Variants in TMC2 observed in about 807,000 individuals in gnomAD.
TMC2 encodes the protein transmembrane channel-like protein 2.
Under a neutral mutation model 105.9 loss-of-function variants are expected in TMC2, and 102 were observed. The observed-to-expected ratio is 0.96, with a 90% CI of 0.82 to 1.14. The LOEUF is 1.14. Among genes scored for constraint, TMC2 ranks in the 50% most tolerant of loss-of-function variants. The pLI is 0.00. For synonymous variants in TMC2, 402 were observed against 422.8 expected, an observed-to-expected ratio of 0.95 and a Z score of 0.60; for missense variants, 1,093 against 1,134.3, an observed-to-expected ratio of 0.96 and a Z score of 0.52.
intron 17 of TMC2, among the ~76,000 whole-genome samples, chr20:2,626,827 G>A (rs1436866956): frequency 2.6e-5 from 4 of 152,148 alleles, no homozygotes; most frequent in African/African-American, 4.8e-5. Flanking sequence ...GAAGTAGGAC[G>A]AACACAGAAA....
intron 4 of TMC2, among the ~76,000 whole-genome samples, chr20:2,562,415 G>A (rs1160077476): frequency 6.6e-6 from 1 of 152,224 alleles, no homozygotes; most frequent in Non-Finnish European, 1.5e-5. Context: ...CTCTCCATGT[G>A]TACACACTCT....
At chr20:2,597,843 G>C (rs1262292184) in intron 10 of TMC2, among the ~76,000 whole-genome samples, 2 of 152,022 alleles carry the variant, frequency 1.3e-5, no homozygotes, top group Non-Finnish European at 2.9e-5. Flanking sequence ...CTGAGACCTG[G>C]TGCTGCCTGT....
Position 2,558,551 on chromosome 20 carries a change from G to T in TMC2, c.178G>T (p.Ala60Ser), listed in dbSNP as rs1005274027. 6.4e-7 allele frequency: 1 copy of T among 1,552,934 alleles called. No individual in the cohort carries two copies. The change falls in exon 3 of 20, where the codon GCC becomes TCC. Residue 60 changes from alanine (A) to serine (S), a missense_variant. Physicochemically the swap from Ala to Ser is moderately conservative, Grantham distance 99. Transcript: ENST00000358864. This position sits in a 1 kb window ranked among gnomAD's most constrained non-coding sequence, Gnocchi z 4.6. ...AGCTCAGCGAAGCCAGAAGGAGCGC[G>T]CCGGGGGCAGCCCAAGCCCGGGGTC... ...RGAQRSQKER[A>S]GGSPSPGSPR...
chr20:2,623,417 T>C (rs1164212266), intron 16 of TMC2, among the ~76,000 whole-genome samples: 1 of 151,988 alleles, frequency 6.6e-6, no homozygotes, highest in African/African-American at 2.4e-5. Flanking sequence ...CGCTCACCTG[T>C]AATCCCAGTT....
In TMC2 at chr20:2,617,169, GTACCCCA is replaced by G. The variant is rs1568526574; in HGVS notation, c.2040_2046del (p.Pro681AsnfsTer78). On this transcript the variant is annotated frameshift_variant, in exon 16 of 20. Coordinates refer to ENST00000358864, the MANE Select transcript of TMC2 (RefSeq NM_080751.3). LOFTEE classifies it high-confidence loss of function. Reference sequence around the variant, plus strand: ...GTGCTGGGCGGTGATGAGCAGCAACGTACCCCATGAACGCGTGTTCAAAGCCTCCCGA... The same window carrying G: ...GTGCTGGGCGGTGATGAGCAGCAACGTGAACGCGTGTTCAAAGCCTCCCGA... 2 of 1,614,212 alleles carry G rather than the reference GTACCCCA, an allele frequency of 1.2e-6. No individual in the cohort carries two copies. The highest frequency in any genetic ancestry group is 2.2e-5 in the South Asian group (2 of 91,088).
intron 7 of TMC2, 67 bp downstream of exon 7, chr20:2,580,123 A>G: frequency 1.1e-6 from 1 of 900,908 alleles, no homozygotes; most frequent in South Asian, 1.6e-5. Flanking sequence ...TCAATTATCA[A>G]CCAAATACTT....
In TMC2 at chr20:2,592,367, G is replaced by C; in HGVS notation, c.892G>C (p.Glu298Gln). Residue 298 changes from glutamate (E) to glutamine (Q), a missense_variant, in exon 8 of 20, where the codon GAA becomes CAA. By Grantham distance (29) the Glu-to-Gln change is conservative. Coordinates refer to ENST00000358864, the MANE Select transcript of TMC2 (RefSeq NM_080751.3). The surrounding 1 kb of genome is among the most constrained non-coding windows in gnomAD (Gnocchi z 4.9). ...CAGAAAGACAGTGCCTCGGGCTGAG[G>C]AAGAAAAGGCCATGGATTTTTCTGT... is the stretch of plus-strand genomic sequence containing the variant. ...IPRKTVPRAEEEKAMDFSVLW... is the reference protein window; with the variant it reads ...IPRKTVPRAEQEKAMDFSVLW... 6.2e-7 allele frequency: 1 copy of C among 1,614,120 alleles called. No homozygotes were observed. Among genetic ancestry groups the C allele is most frequent in the Non-Finnish European group, 8.5e-7 (1 of 1,179,964 alleles).
intron 2 of TMC2, among the ~76,000 whole-genome samples, chr20:2,554,849 C>T (rs1194978264): frequency 6.6e-6 from 1 of 152,082 alleles, no homozygotes; most frequent in Non-Finnish European, 1.5e-5. Context: ...TTTTATGGTC[C>T]AGCATATGGT....
intron 17 of TMC2, among the ~76,000 whole-genome samples, chr20:2,626,602 G>C (rs1202029579): frequency 6.6e-6 from 1 of 152,260 alleles, no homozygotes. Context: ...TAAGACAGGA[G>C]TCATAGTATT....
In TMC2 at chr20:2,616,565, AAAG is replaced by A. The variant is rs1217564786; in HGVS notation, c.1940+365_1940+367del. ...GAGGAAAAGAGGAGGAAAGGAAAAT[AAAG>A]AAGGAGGGAGGGAGAAAAGAAGGAA... On this transcript the variant is annotated intron_variant, in intron 15 of 19. Transcript: ENST00000358864. This position sits in a 1 kb window ranked among gnomAD's most constrained non-coding sequence, Gnocchi z 4.8. 2.0e-5 allele frequency among the ~76,000 whole-genome samples: 2 copies of A among 99,528 alleles called. No homozygotes were observed. Among genetic ancestry groups the A allele is most frequent in the African/African-American group, 5.5e-5 (2 of 36,402 alleles). 65.3% of individuals were successfully genotyped at this position (99,528 alleles called of 152,430 possible). A position where few individuals can be genotyped will look rare whatever the true frequency, so the allele number is the denominator to read the frequency against.
Position 2,537,301 on chromosome 20 carries a change from G to T in TMC2, c.67G>T (p.Gly23Cys). The change falls in exon 2 of 20, where the codon GGC (glycine) becomes TGC (cysteine). Residue 23 changes from glycine to cysteine, a missense_variant. Coordinates refer to ENST00000358864, the MANE Select transcript of TMC2 (RefSeq NM_080751.3). ...CGGAGTGAAAGGGCGGGTGAAGAGC[G>T]GCTCTCCACACACAGGTGAGATGGG... Reference protein sequence around the residue: ...RGGVKGRVKSGSPHTGDRLGR... With the variant: ...RGGVKGRVKSCSPHTGDRLGR... The T allele has an allele frequency of 2.5e-6, 4 of 1,602,904 alleles. No individual in the cohort carries two copies. The highest frequency in any genetic ancestry group is 2.2e-5 in the East Asian group (1 of 44,494).
At chr20:2,637,206 T>C (rs1296645306) in intron 18 of TMC2, among the ~76,000 whole-genome samples, 2 of 65,206 alleles carry the variant, frequency 3.1e-5, no homozygotes, top group African/African-American at 9.6e-5. Context: ...TGGGCTAACA[T>C]GGTGAACCCG....
chr20:2,638,356 C>CA (rs58078004), intron 19 of TMC2, among the ~76,000 whole-genome samples: 13 of 142,630 alleles, frequency 9.1e-5, no homozygotes, highest in Non-Finnish European at 1.5e-4. Flanking sequence ...GACTCCATCT[C>CA]AAAAAAAAAA....
intron 12 of TMC2, among the ~76,000 whole-genome samples, chr20:2,610,892 C>T (rs1214570623): frequency 6.6e-6 from 1 of 152,114 alleles, no homozygotes; most frequent in African/African-American, 2.4e-5. Context: ...TTCAGAGCTG[C>T]CATAAATGAT....
At chr20:2,620,950 T>C (rs1343226828) in intron 16 of TMC2, among the ~76,000 whole-genome samples, 2 of 152,256 alleles carry the variant, frequency 1.3e-5, no homozygotes, top group Non-Finnish European at 2.9e-5. Context: ...TTTTATCCTA[T>C]GCCTGTCCCA....
intron 19 of TMC2, among the ~76,000 whole-genome samples, 182 bp downstream of exon 19, chr20:2,637,773 G>A (rs1046884778): frequency 6.6e-6 from 1 of 152,164 alleles, no homozygotes; most frequent in Non-Finnish European, 1.5e-5. Flanking sequence ...ATGGGATGGT[G>A]AAGATGAGAT....
In TMC2 at chr20:2,582,672, C is replaced by T. The variant is rs185815653; in HGVS notation, c.834+2616C>T. ...TGTATTTTTAGTAGAGATGGGGTTT[C>T]GCCATGTTGGCCAGGCTGGTCTCAA... On this transcript the variant is annotated intron_variant, in intron 7 of 19. Transcript: ENST00000358864. 2.0e-3 allele frequency among the ~76,000 whole-genome samples: 309 copies of T among 152,138 alleles called. 2 individuals carry two copies. The highest frequency in any genetic ancestry group is 5.4e-3 in the African/African-American group (225 of 41,520).
intron 16 of TMC2, among the ~76,000 whole-genome samples, chr20:2,620,019 C>A (rs969463784): frequency 6.6e-6 from 1 of 151,878 alleles, no homozygotes; most frequent in East Asian, 1.9e-4. Context: ...GTGGAAGTTG[C>A]AATAAGCCAT....
At chr20:2,579,635 G>A (rs1176951417) in intron 6 of TMC2, among the ~76,000 whole-genome samples, 1 of 151,890 alleles carries the variant, frequency 6.6e-6, no homozygotes, top group African/African-American at 2.4e-5. Context: ...TGTTGGCCAG[G>A]CTGGTCTCGA....
Sources: gnomAD v4.1 joint callset for allele counts (sites outside exome capture counted in the v4.1 genomes callset) on GRCh38, gnomAD v4.1.1 for gene constraint, Gnocchi (gnomAD v3.1) non-coding constraint, MANE v1.5 for transcripts, NCBI Gene and HGNC (gene_info 2026-07-23, HGNC 2026-07-21) for gene names.